The following TTLL10 variants were observed in gnomAD, a reference collection of about 807,000 sequenced individuals.
TTLL10 encodes the protein inactive polyglycylase TTLL10.
In TTLL10, 61 loss-of-function variants were observed where a neutral mutation model predicts 69.0. The ratio of observed to expected loss-of-function variants is 0.88; its 90% CI spans 0.72 to 1.09. The LOEUF is 1.09. Among genes scored for constraint, TTLL10 ranks in the 50% least tolerant of loss-of-function variants. TTLL10 has a pLI of 0.00. For synonymous variants in TTLL10, 408 were observed against 393.3 expected (o/e 1.04, Z -0.44); for missense variants, 962 against 945.9 (o/e 1.02, Z -0.22).
At chr1:1,191,409 C>A (rs1387974609) in intron 13 of TTLL10, among the ~76,000 whole-genome samples, 1 of 152,076 alleles carries the variant, frequency 6.6e-6, no homozygotes, top group Non-Finnish European at 1.5e-5. Context: ...CTGGGCAACA[C>A]AGCAAAACCC....
intron 13 of TTLL10, among the ~76,000 whole-genome samples, chr1:1,186,567 TG>T (rs1176528954): frequency 6.6e-6 from 1 of 152,182 alleles, no homozygotes; most frequent in Non-Finnish European, 1.5e-5. Flanking sequence ...AATGGAGTCG[TG>T]GGTCACAGGG....
At position 1,186,949 on chromosome 1, in the gene TTLL10, C is replaced by G. The variant is rs575519634; in HGVS notation, c.1401+1840C>G. The stretch of plus-strand genomic sequence containing the variant: ...GCAAGCTCCGCCTCCCGGGTTCACG[C>G]CATTCTCCTGCCTCAGCCTCCCGAG... On this transcript the variant is annotated intron_variant, in intron 13 of 15. Coordinates refer to ENST00000379289, the MANE Select transcript of TTLL10 (RefSeq NM_001130045.2). 2.6e-5 allele frequency among the ~76,000 whole-genome samples: 4 copies of G among 151,670 alleles called. No individual in the cohort carries two copies. The South Asian group carries it at 8.4e-4, about 32-fold the overall frequency.
Position 1,181,733 on chromosome 1 carries a change from G to A in TTLL10, c.756-8G>A. The A allele has an allele frequency of 6.3e-7, 1 of 1,592,018 alleles. No individual in the cohort carries two copies. Among genetic ancestry groups the A allele is most frequent in the Non-Finnish European group, 8.5e-7 (1 of 1,170,626 alleles). Reference sequence around the variant, plus strand: ...CTCAGTCCAGGCCCTCTGTCCCCTGGGCTGCAGGCTGGAAAAGGACGCAGC... The same window carrying A: ...CTCAGTCCAGGCCCTCTGTCCCCTGAGCTGCAGGCTGGAAAAGGACGCAGC... On this transcript the variant is annotated splice_polypyrimidine_tract_variant and splice_region_variant and intron_variant, in intron 8 of 15. Coordinates refer to ENST00000379289, the MANE Select transcript of TTLL10 (RefSeq NM_001130045.2). This position sits in a 1 kb window ranked among gnomAD's most constrained non-coding sequence, Gnocchi z 4.6.
chr1:1,189,385 C>G (rs994132044), intron 13 of TTLL10, among the ~76,000 whole-genome samples: 10 of 152,190 alleles, frequency 6.6e-5, no homozygotes, highest in African/African-American at 1.2e-4. Flanking sequence ...CTTATTTCCC[C>G]TTCATTCTAT....
At chr1:1,186,374 C>G (rs758977278) in intron 13 of TTLL10, among the ~76,000 whole-genome samples, 6 of 152,208 alleles carry the variant, frequency 3.9e-5, no homozygotes, top group Admixed American at 6.5e-5. Context: ...CAGGCGTGAG[C>G]CACTGCACCC....
chr1:1,196,736 G>A lies in TTLL10; in HGVS notation c.1518+20G>A, dbSNP rs1291153153. 1.3e-6 allele frequency: 2 copies of A among 1,501,726 alleles called. No individual in the cohort carries two copies. The highest frequency in any genetic ancestry group is 4.9e-5 in the East Asian group (2 of 40,668). The allele number at this position is 1,501,726 out of a possible 1,614,324, so 93.0% of individuals were successfully genotyped here. A position where few individuals can be genotyped will look rare whatever the true frequency, so the allele number is the denominator to read the frequency against. Reference sequence around the variant, plus strand: ...TTCAAGGTGCTGTCCTGGGCGGCGGGGGGCACAGTAGACAGATGCAAGGAG... The same window carrying A: ...TTCAAGGTGCTGTCCTGGGCGGCGGAGGGCACAGTAGACAGATGCAAGGAG... On this transcript the variant is annotated intron_variant, in intron 14 of 15. Transcript: ENST00000379289.
chr1:1,183,843 C>G, intron 11 of TTLL10, 77 bp from the exon 12 acceptor site: 1 of 1,577,662 alleles, frequency 6.3e-7, no homozygotes, highest in African/African-American at 1.3e-5. Flanking sequence ...TGGAACAGGC[C>G]CGGGGTGGGG....
chr1:1,192,135 ATGT>A (rs897994813), intron 13 of TTLL10, among the ~76,000 whole-genome samples: 46 of 152,254 alleles, frequency 3.0e-4, no homozygotes, highest in African/African-American at 1.1e-3. Context: ...TTGGTTTATA[ATGT>A]TGTTCGAGTC....
rs779907963 is a variant in TTLL10 at position 1,182,358 on chromosome 1, CAGGGT to C, written c.831-2_833del. The C allele has an allele frequency of 6.2e-7, 1 of 1,613,594 alleles. No homozygotes were observed. The highest frequency in any genetic ancestry group is 1.1e-5 in the South Asian group (1 of 91,082). On this transcript the variant is annotated splice_acceptor_variant and coding_sequence_variant, in exon 10 of 16. Coordinates refer to ENST00000379289, the MANE Select transcript of TTLL10 (RefSeq NM_001130045.2). LOFTEE classifies it high-confidence loss of function. ...CTCATCCTCCTGCCTCCCTGCCCTG[CAGGGT>C]CCTGAGAATGGAAGAGTTTTTCCCA...
intron 13 of TTLL10, among the ~76,000 whole-genome samples, chr1:1,193,701 G>A (rs1040123405): frequency 3.9e-5 from 6 of 152,154 alleles, no homozygotes; most frequent in Non-Finnish European, 8.8e-5. Context: ...CTGACCTCAG[G>A]TGATCTACCC....
chr1:1,176,518 C>T (rs1485187712), intron 3 of TTLL10: 2 of 399,054 alleles, frequency 5.0e-6, no homozygotes, highest in African/African-American at 4.2e-5. Context: ...TCACCTTTTC[C>T]CACCTCCACA....
Position 1,182,978 on chromosome 1 carries a change from G to A in TTLL10, c.1019G>A (p.Arg340Gln), listed in dbSNP as rs750448128. 2.4e-5 allele frequency: 39 copies of A among 1,608,494 alleles called. No individual in the cohort carries two copies. The highest frequency in any genetic ancestry group is 2.0e-4 in the South Asian group (18 of 90,032). Residue 340 changes from arginine to glutamine, a missense_variant, in exon 11 of 16, where the codon CGG (arginine) becomes CAG (glutamine). Physicochemically the swap from Arg to Gln is conservative, Grantham distance 43. Coordinates refer to ENST00000379289, the MANE Select transcript of TTLL10 (RefSeq NM_001130045.2). ...EEVAALQAKT[R>Q]SMEDDPIHHK... The stretch of plus-strand genomic sequence containing the variant: ...GTTGCCGCCCTGCAGGCCAAGACCC[G>A]GAGCATGGAGGACGACCCCATCCAC...
At chr1:1,193,997 A>C (rs1648025572) in intron 13 of TTLL10, among the ~76,000 whole-genome samples, 1 of 152,028 alleles carries the variant, frequency 6.6e-6, no homozygotes, top group African/African-American at 2.4e-5. Flanking sequence ...ATCTCTAAAA[A>C]ACAAAATTAG....
intron 3 of TTLL10, chr1:1,175,097 CAG>C (rs1646833365): frequency 6.4e-6 from 1 of 156,092 alleles, no homozygotes. Flanking sequence ...GCCTGGGCGA[CAG>C]AGTGAGACTT....
Position 1,180,475 on chromosome 1 carries a change from C to A in TTLL10, c.507-8C>A. On this transcript the variant is annotated splice_region_variant and splice_polypyrimidine_tract_variant and intron_variant, in intron 6 of 15. Transcript: ENST00000379289. Reference sequence around the variant, plus strand: ...CCCCCAGGTCACCCCCGCCCCCACCCCTCGCAGCATCAGCTCCTACTGCAA... The same window carrying A: ...CCCCCAGGTCACCCCCGCCCCCACCACTCGCAGCATCAGCTCCTACTGCAA... 4 of 1,549,108 alleles carry A rather than the reference C, an allele frequency of 2.6e-6. No individual in the cohort carries two copies. The highest frequency in any genetic ancestry group is 2.6e-6 in the Non-Finnish European group (3 of 1,146,444).
At chr1:1,175,049 G>C (rs1646832140) in intron 3 of TTLL10, 2 of 153,234 alleles carry the variant, frequency 1.3e-5, no homozygotes, top group Non-Finnish European at 2.9e-5. Flanking sequence ...CTGGGAGGCG[G>C]AGGTTACAGT....
intron 13 of TTLL10, among the ~76,000 whole-genome samples, chr1:1,186,247 C>T (rs1192453877): frequency 2.0e-5 from 3 of 152,098 alleles, no homozygotes; most frequent in South Asian, 2.1e-4. Context: ...CGCCACCACG[C>T]GCGGCTAATT....
chr1:1,186,816 A>G (rs4634847), intron 13 of TTLL10, among the ~76,000 whole-genome samples: 21,332 of 150,372 alleles, frequency 0.14, 2,562 homozygotes, highest in East Asian at 0.59. Context: ...GTTCTTTACC[A>G]TCCAGTTGTG....
intron 13 of TTLL10, among the ~76,000 whole-genome samples, chr1:1,186,389 A>T (rs1389451157): frequency 2.0e-5 from 3 of 152,198 alleles, no homozygotes; most frequent in Non-Finnish European, 4.4e-5. Context: ...GCACCCAGCC[A>T]TGTATCCCTT....
Sources: allele counts gnomAD v4.1 joint callset (sites outside exome capture counted in the v4.1 genomes callset), GRCh38; gene constraint gnomAD v4.1.1; non-coding constraint Gnocchi (gnomAD v3.1); transcripts MANE v1.5; gene names NCBI Gene and HGNC (gene_info 2026-07-23, HGNC 2026-07-21).